The following FGF9 variants were observed in gnomAD, a reference collection of about 807,000 sequenced individuals.
The protein encoded by FGF9 is fibroblast growth factor 9, also known as fibroblast growth factor 9 (glia-activating factor).
In FGF9, 3 loss-of-function variants were observed where a neutral mutation model predicts 19.9. That is an observed-to-expected ratio of 0.15 (90% CI 0.07 to 0.39). The LOEUF (loss-of-function observed/expected upper bound fraction) is 0.39, where lower values mean the gene tolerates loss of function less well. FGF9 is among the 10% of genes least tolerant of loss of function. The probability of loss-of-function intolerance (pLI) is 1.00; values close to 1 mark genes in which losing one functional copy is unlikely to be tolerated. For missense variants in FGF9, 175 were observed against 256.8 expected (o/e 0.68, Z 2.18); for synonymous variants, 107 against 106.9 (o/e 1.00, Z -0.01).
intron 2 of FGF9, among the ~76,000 whole-genome samples, chr13:21,693,235 T>C (rs1872331868): frequency 6.6e-6 from 1 of 152,134 alleles, no homozygotes; most frequent in African/African-American, 2.4e-5. Context: ...GGTGTCAGCA[T>C]AAGGGATGAG....
intron 2 of FGF9, among the ~76,000 whole-genome samples, chr13:21,682,355 A>G (rs1271987056): frequency 1.3e-5 from 2 of 152,168 alleles, no homozygotes; most frequent in Non-Finnish European, 2.9e-5. Flanking sequence ...TTAGTTTACA[A>G]AAAGTTGAAA....
chr13:21,675,208 G>C (rs1871882938), intron 1 of FGF9, among the ~76,000 whole-genome samples: 1 of 152,046 alleles, frequency 6.6e-6, no homozygotes, highest in Non-Finnish European at 1.5e-5. Context: ...GGATGGAGTT[G>C]AGTGGGTGGC....
At position 21,690,876 on chromosome 13, in the gene FGF9, C is replaced by G. The variant is rs551035878; in HGVS notation, c.381+9731C>G. On this transcript the variant is annotated intron_variant, in intron 2 of 2. Transcript: ENST00000382353. ...CAGTGTAATACTGAAGTGCGGTCAA[C>G]TGTTGCTAAGCGCAAGAAGGCTGTA... Among the ~76,000 whole-genome samples, 17 of 152,332 alleles carry G rather than the reference C, an allele frequency of 1.1e-4. No homozygotes were observed. In the East Asian group the frequency reaches 1.9e-3, roughly 17 times the overall value.
intron 1 of FGF9, among the ~76,000 whole-genome samples, chr13:21,673,669 C>T (rs1871827607): frequency 6.6e-6 from 1 of 152,070 alleles, no homozygotes. Context: ...GCCTAGCGTT[C>T]GATACCAGAA....
chr13:21,681,241 G>C, intron 2 of FGF9, 96 bp downstream of exon 2: 1 of 941,668 alleles, frequency 1.1e-6, no homozygotes, highest in Non-Finnish European at 1.7e-6. Context: ...ATGCAACTGA[G>C]TCTGTTTGGA....
chr13:21,682,708 T>TC (rs1386491410), intron 2 of FGF9, among the ~76,000 whole-genome samples: 1 of 151,434 alleles, frequency 6.6e-6, no homozygotes, highest in Non-Finnish European at 1.5e-5. Context: ...TTTTTTTTTT[T>TC]TTTGCTTTTA....
intron 1 of FGF9, among the ~76,000 whole-genome samples, chr13:21,676,752 G>A (rs1871925034): frequency 6.6e-6 from 1 of 152,214 alleles, no homozygotes; most frequent in African/African-American, 2.4e-5. Flanking sequence ...TCTGTAATGC[G>A]TTGGGGGCTC....
At chr13:21,690,413 CCACT>C (rs1457705442) in intron 2 of FGF9, among the ~76,000 whole-genome samples, 4 of 152,020 alleles carry the variant, frequency 2.6e-5, no homozygotes, top group Non-Finnish European at 4.4e-5. Flanking sequence ...TTGCTCACAC[CCACT>C]CACACACTAG....
intron 1 of FGF9, among the ~76,000 whole-genome samples, chr13:21,679,245 C>G (rs1253047512): frequency 2.0e-5 from 3 of 152,170 alleles, no homozygotes; most frequent in Non-Finnish European, 1.5e-5. Context: ...AAATTTGTTA[C>G]ATTTTGTCCT....
chr13:21,671,871 T>A lies in FGF9; in HGVS notation c.-42T>A. The A allele has an allele frequency of 6.2e-7, 1 of 1,612,554 alleles. No homozygotes were observed. The highest frequency in any genetic ancestry group is 8.5e-7 in the Non-Finnish European group (1 of 1,178,658). ...CCTAATATCTCCTGGGTTGACACCA[T>A]CATTATTGTTTATTCTTGTGCTCCA... On this transcript the variant is annotated 5_prime_UTR_variant, in exon 1 of 3. Transcript: ENST00000382353.
chr13:21,696,382 C>T (rs924226512), intron 2 of FGF9, among the ~76,000 whole-genome samples: 1 of 152,140 alleles, frequency 6.6e-6, no homozygotes, highest in African/African-American at 2.4e-5. Flanking sequence ...ATTAAATCCA[C>T]ATTCTCCACC....
At chr13:21,682,209 C>T (rs1163992732) in intron 2 of FGF9, among the ~76,000 whole-genome samples, 2 of 151,668 alleles carry the variant, frequency 1.3e-5, no homozygotes, top group African/African-American at 2.4e-5. Context: ...GACAAGGTCA[C>T]GCTATGTTGC....
intron 2 of FGF9, among the ~76,000 whole-genome samples, chr13:21,687,384 G>GCACA (rs1872185728): frequency 6.6e-6 from 1 of 152,112 alleles, no homozygotes; most frequent in African/African-American, 2.4e-5. Flanking sequence ...TTGAATATGT[G>GCACA]CACACATTAA....
At chr13:21,694,363 C>T (rs1872358584) in intron 2 of FGF9, among the ~76,000 whole-genome samples, 2 of 152,066 alleles carry the variant, frequency 1.3e-5, no homozygotes, top group Non-Finnish European at 2.9e-5. Flanking sequence ...AAGTCTGGTA[C>T]ATTAAAAAAA....
intron 1 of FGF9, among the ~76,000 whole-genome samples, chr13:21,673,334 T>C (rs1337469598): frequency 6.6e-6 from 1 of 152,140 alleles, no homozygotes; most frequent in African/African-American, 2.4e-5. Context: ...TTTAGCTTCG[T>C]GCGGCTGCGG....
In FGF9 at chr13:21,681,095, G is replaced by A; in HGVS notation, c.331G>A (p.Asp111Asn). The A allele has an allele frequency of 1.2e-6, 2 of 1,614,092 alleles. No individual in the cohort carries two copies. Among genetic ancestry groups the A allele is most frequent in the Non-Finnish European group, 1.7e-6 (2 of 1,179,988 alleles). ...AVGLVSIRGV[D>N]SGLYLGMNEK... ...GGGCCTGGTCAGCATTCGAGGCGTG[G>A]ACAGTGGACTCTACCTCGGGATGAA... The change falls in exon 2 of 3, where the codon GAC becomes AAC. Residue 111 changes from aspartate (D) to asparagine (N), a missense_variant. By Grantham distance (23) the Asp-to-Asn change is conservative (BLOSUM62 1). This residue lies in a region of FGF9 where 101 missense variants were observed against 160.7 expected (regional missense o/e 0.63). Coordinates refer to ENST00000382353, the MANE Select transcript of FGF9 (RefSeq NM_002010.3).
Position 21,701,483 on chromosome 13 carries a change from A to T in FGF9, c.*48A>T. On this transcript the variant is annotated 3_prime_UTR_variant, in exon 3 of 3. Transcript: ENST00000382353. Reference sequence around the variant, plus strand: ...GCCCTTAAAAAAGTAACCACTATAAAGGTTTCACGCGGTGGGTTCTTATTG... The same window carrying T: ...GCCCTTAAAAAAGTAACCACTATAATGGTTTCACGCGGTGGGTTCTTATTG... 6.2e-7 allele frequency: 1 copy of T among 1,613,430 alleles called. No individual in the cohort carries two copies. Among genetic ancestry groups the T allele is most frequent in the Non-Finnish European group, 8.5e-7 (1 of 1,179,624 alleles).
rs886050058 is a variant in FGF9 at position 21,703,338 on chromosome 13, C to T, written c.*1903C>T. 5.3e-5 allele frequency: 8 copies of T among 152,172 alleles called. No individual in the cohort carries two copies. The highest frequency in any genetic ancestry group is 2.9e-5 in the Non-Finnish European group (2 of 68,038). 9.4% of individuals were successfully genotyped at this position (152,172 alleles called of 1,614,324 possible). A position where few individuals can be genotyped will look rare whatever the true frequency, so the allele number is the denominator to read the frequency against. ...CATGACTTATTGTGACGATGTCTTG[C>T]CTTTCTGTGGTCCAAGTTGGAGTAC... On this transcript the variant is annotated 3_prime_UTR_variant, in exon 3 of 3. Coordinates refer to ENST00000382353, the MANE Select transcript of FGF9 (RefSeq NM_002010.3).
At position 21,703,818 on chromosome 13, in the gene FGF9, A is replaced by G. The variant is rs1157889577; in HGVS notation, c.*2383A>G. 1 of 152,190 alleles carries G rather than the reference A, an allele frequency of 6.6e-6. No homozygotes were observed. 9.4% of individuals were successfully genotyped at this position (152,190 alleles called of 1,614,324 possible). On this transcript the variant is annotated 3_prime_UTR_variant, in exon 3 of 3. Coordinates refer to ENST00000382353, the MANE Select transcript of FGF9 (RefSeq NM_002010.3). The stretch of plus-strand genomic sequence containing the variant: ...AAGAAAGAAAATTGTGAAAAAGACA[A>G]AAATCTTCATGCATTCCTATAAAAC...
Sources: allele counts gnomAD v4.1 joint callset (sites outside exome capture counted in the v4.1 genomes callset), GRCh38; gene constraint gnomAD v4.1.1; regional missense constraint gnomAD v4.1.1; transcripts MANE v1.5; gene names NCBI Gene and HGNC (gene_info 2026-07-23, HGNC 2026-07-21).